Variants in REC8 observed in about 807,000 individuals in gnomAD.
The protein encoded by REC8 is REC8 meiotic recombination protein.
REC8 carries 42 observed loss-of-function variants against 78.3 expected under a neutral mutation model. That is an observed-to-expected ratio of 0.54 (90% CI 0.42 to 0.69). The LOEUF (loss-of-function observed/expected upper bound fraction) is 0.69, where lower values mean the gene tolerates loss of function less well. Ranked by LOEUF, REC8 falls within the 30% of genes least tolerant of loss-of-function variation. The pLI is 0.00. For missense variants in REC8, 581 were observed against 715.8 expected, an observed-to-expected ratio of 0.81 and a Z score of 2.15; for synonymous variants, 268 against 274.1, an observed-to-expected ratio of 0.98 and a Z score of 0.22.
chr14:24,180,273 T>C, downstream of REC8: 1 of 1,534,892 alleles, frequency 6.5e-7, no homozygotes, highest in South Asian at 1.2e-5. Flanking sequence ...TCATGACTCA[T>C]TTGTAACAGA....
chr14:24,180,837 C>G (rs146889276), downstream of REC8: 535 of 1,259,986 alleles, frequency 4.2e-4, 2 homozygotes, highest in East Asian at 9.6e-3. Context: ...CAAGGAGTGG[C>G]AGAATCTCTT....
chr14:24,176,694 C>A, intron 6 of REC8, 128 bp from the exon 7 acceptor site: 1 of 715,332 alleles, frequency 1.4e-6, no homozygotes, highest in Non-Finnish European at 2.4e-6. Context: ...GTCAGGATGC[C>A]AGAGATTAGC....
chr14:24,179,539 A>G, intron 16 of REC8, 56 bp from the exon 17 acceptor site: 2 of 1,613,866 alleles, frequency 1.2e-6, no homozygotes, highest in Non-Finnish European at 1.7e-6. Flanking sequence ...TGGGATGGGT[A>G]TGCCCCTTGT....
chr14:24,173,065 T>C (rs753834153), intron 3 of REC8, 24 bp downstream of exon 3: 9 of 1,610,762 alleles, frequency 5.6e-6, no homozygotes, highest in Admixed American at 1.7e-5. Context: ...CCCTCAAAGG[T>C]GGGGCGGGCT....
Position 24,172,193 on chromosome 14 carries a change from A to C in REC8, c.-360A>C. On this transcript the variant is annotated 5_prime_UTR_variant, in exon 1 of 19. Transcript: ENST00000611366. ...AGGACCGAGGCCTGCTGTGGAGGAC[A>C]CCGTGCTCCCTCGGGACCTGCTCTG... 3.5e-6 allele frequency: 1 copy of C among 286,988 alleles called. No individual in the cohort carries two copies. 17.8% of individuals were successfully genotyped at this position (286,988 alleles called of 1,614,324 possible). A position where few individuals can be genotyped will look rare whatever the true frequency, so the allele number is the denominator to read the frequency against.
intron 15 of REC8, 68 bp from the exon 16 acceptor site, chr14:24,179,329 C>A (rs373560443): frequency 1.3e-6 from 2 of 1,517,534 alleles, no homozygotes; most frequent in Non-Finnish European, 9.1e-7. Flanking sequence ...TCTACTTACA[C>A]CAGGTGGCCA....
chr14:24,175,504 A>G (rs770079600), intron 5 of REC8, 39 bp from the exon 6 acceptor site: 2 of 1,524,538 alleles, frequency 1.3e-6, no homozygotes, highest in Non-Finnish European at 1.8e-6. Flanking sequence ...AGGGGGCTGA[A>G]GCTGAACCCT....
chr14:24,177,807 C>A, intron 11 of REC8, 49 bp downstream of exon 11: 1 of 1,516,282 alleles, frequency 6.6e-7, no homozygotes, highest in East Asian at 2.3e-5. Flanking sequence ...TTGCCCTCCC[C>A]CACAAGGACT....
chr14:24,179,526 T>C (rs1259899234), intron 16 of REC8, 63 bp downstream of exon 16: 4 of 1,613,794 alleles, frequency 2.5e-6, no homozygotes, highest in Non-Finnish European at 2.5e-6. Context: ...TGGAAACAGC[T>C]GCTGGGATGG....
downstream of REC8, chr14:24,180,860 G>A (rs1451879425): frequency 3.5e-6 from 3 of 861,832 alleles, no homozygotes; most frequent in African/African-American, 5.1e-5. Flanking sequence ...CAGGGGGGTG[G>A]TTGCACCTGG....
At chr14:24,180,889 C>A, downstream of REC8, 3 of 659,292 alleles carry the variant, frequency 4.6e-6, no homozygotes, top group Non-Finnish European at 7.7e-6. Flanking sequence ...CACAGGCATC[C>A]AAGACAACTA....
At chr14:24,173,487 G>A (rs756500668) in intron 5 of REC8, 76 bp downstream of exon 5, 14 of 1,584,434 alleles carry the variant, frequency 8.8e-6, no homozygotes, top group Non-Finnish European at 1.0e-5. Flanking sequence ...TCTGACATTG[G>A]GGTTGGGGAA....
At chr14:24,178,570 T>C in intron 12 of REC8, 36 bp from the exon 13 acceptor site, 1 of 1,607,614 alleles carries the variant, frequency 6.2e-7, no homozygotes, top group East Asian at 2.2e-5. Context: ...AGTGGCTGCT[T>C]TATAATGGGG....
In REC8 at chr14:24,172,477, T is replaced by C. The variant is rs2038709242; in HGVS notation, c.-76T>C. The C allele has an allele frequency of 6.8e-7, 1 of 1,478,876 alleles. No homozygotes were observed. The highest frequency in any genetic ancestry group is 2.0e-5 in the Admixed American group (1 of 50,876). The allele number at this position is 1,478,876 out of a possible 1,614,324, so 91.6% of individuals were successfully genotyped here. ...TGACTTCTCTCCAAGGTGTTGGGAA[T>C]TCTGTGCCCTAAAGAATTCCGACTC... On this transcript the variant is annotated 5_prime_UTR_variant, in exon 1 of 19. Coordinates refer to ENST00000611366, the MANE Select transcript of REC8 (RefSeq NM_001048205.2).
intron 6 of REC8, among the ~76,000 whole-genome samples, chr14:24,176,327 G>C (rs762249404): frequency 6.7e-6 from 1 of 148,178 alleles, no homozygotes; most frequent in Non-Finnish European, 1.5e-5. Flanking sequence ...AAAGTGCTGG[G>C]ATTACAGGCG....
rs778717822 is a variant in REC8, at chr14:24,180,144, A to C, written c.*49A>C. On this transcript the variant is annotated 3_prime_UTR_variant, in exon 19 of 19. Transcript: ENST00000611366. ...GCCAGGAAACCGGCCACTTCTAGTAAACCACGTCGTGCCTCACTGGGTCCT... is the reference window on the plus strand; with the variant it reads ...GCCAGGAAACCGGCCACTTCTAGTACACCACGTCGTGCCTCACTGGGTCCT... 10 of 1,613,926 alleles carry C rather than the reference A, an allele frequency of 6.2e-6. No homozygotes were observed. In the South Asian group the frequency reaches 1.1e-4, roughly 18 times the overall value.
chr14:24,176,214 G>A (rs768759768), intron 6 of REC8, among the ~76,000 whole-genome samples: 3 of 150,692 alleles, frequency 2.0e-5, no homozygotes, highest in African/African-American at 4.9e-5. Context: ...GCACCACCAC[G>A]CCCAGCTAAT....
rs373548567 is a variant in REC8 at position 24,172,683 on chromosome 14, C to T, written c.57-30C>T. On this transcript the variant is annotated intron_variant, in intron 1 of 18. Transcript: ENST00000611366. ...CAGCCTGACAGCTCCCCCTCCATCCCCATTCTCCCACCTTCCCCACCCACT... is the reference window on the plus strand; with the variant it reads ...CAGCCTGACAGCTCCCCCTCCATCCTCATTCTCCCACCTTCCCCACCCACT... 1.1e-3 allele frequency: 1,792 copies of T among 1,614,136 alleles called. 28 individuals are homozygous for T. The South Asian group carries it at 0.018, about 16-fold the overall frequency.
Position 24,179,451 on chromosome 14 carries a change from C to A in REC8, c.1307C>A (p.Pro436Gln), listed in dbSNP as rs1282580847. ...AAGTCCCGCATCAGCCTCATCCCAC[C>A]AGAAGAACGGTGGTAAGCGGCCAGG... ...EEKSRISLIP[P>Q]EERWAWPEVE... The change falls in exon 16 of 19, where the codon CCA becomes CAA. Residue 436 changes from proline (P) to glutamine (Q), a missense_variant. Pro to Gln is a moderately conservative substitution (Grantham distance 76). Coordinates refer to ENST00000611366, the MANE Select transcript of REC8 (RefSeq NM_001048205.2). 1.5e-5 allele frequency: 25 copies of A among 1,614,052 alleles called. No individual in the cohort carries two copies. Among genetic ancestry groups the A allele is most frequent in the Non-Finnish European group, 2.0e-5 (24 of 1,180,048 alleles).
Sources: allele counts gnomAD v4.1 joint callset (sites outside exome capture counted in the v4.1 genomes callset), GRCh38; gene constraint gnomAD v4.1.1; transcripts MANE v1.5; gene names NCBI Gene and HGNC (gene_info 2026-07-23, HGNC 2026-07-21).